Variants in GALNT13 observed in about 807,000 individuals in gnomAD.
The protein encoded by GALNT13 is UDP-GalNAc:polypeptide N-acetylgalactosaminyltransferase 13.
Under a neutral mutation model 64.2 loss-of-function variants are expected in GALNT13, and 28 were observed. The ratio of observed to expected loss-of-function variants is 0.44; its 90% CI spans 0.32 to 0.60. GALNT13 has a LOEUF of 0.60. Ranked by LOEUF, GALNT13 falls within the 20% of genes least tolerant of loss-of-function variation. GALNT13 has a pLI of 0.05. For synonymous variants in GALNT13, 214 were observed against 224.6 expected (o/e 0.95, Z 0.42); for missense variants, 577 against 669.8 (o/e 0.86, Z 1.53).
intron 1 of GALNT13, among the ~76,000 whole-genome samples, chr2:153,890,528 GT>G (rs1320818024): frequency 6.6e-6 from 1 of 151,984 alleles, no homozygotes; most frequent in African/African-American, 2.4e-5. Flanking sequence ...TTTTTCCCGT[GT>G]TGCTTTCTCA....
chr2:154,250,347 T>G (rs1027553108), intron 7 of GALNT13, among the ~76,000 whole-genome samples: 1 of 152,116 alleles, frequency 6.6e-6, no homozygotes, highest in Non-Finnish European at 1.5e-5. Context: ...GTAAATTTGA[T>G]ATATCATCAA....
chr2:153,289,035 G>A, the GALNT13 span, among the ~76,000 whole-genome samples: 106 of 152,244 alleles, frequency 7.0e-4, no homozygotes, highest in Middle Eastern at 3.4e-3. Context: ...GAAGCTTTGC[G>A]TCCCATGACT....
At chr2:153,373,275 A>T in the GALNT13 span, among the ~76,000 whole-genome samples, 1 of 152,132 alleles carries the variant, frequency 6.6e-6, no homozygotes, top group Admixed American at 6.5e-5. Context: ...CACAAGCATG[A>T]CTTCACTTTT....
chr2:153,778,863 G>T, the GALNT13 span, among the ~76,000 whole-genome samples: 1 of 152,074 alleles, frequency 6.6e-6, no homozygotes, highest in South Asian at 2.1e-4. Flanking sequence ...TTATTTTTCT[G>T]TACTCCTCTT....
rs150770979 is a variant in GALNT13 at position 154,398,127 on chromosome 2, T to C, written c.1296+1997T>C. On this transcript the variant is annotated intron_variant, in intron 10 of 12. Coordinates refer to ENST00000392825, the MANE Select transcript of GALNT13 (RefSeq NM_052917.4). ...CTTATCACTTTATTGAAAATTTGTTTGAACATTCATGAACCTGACTATATC... is the reference window on the plus strand; with the variant it reads ...CTTATCACTTTATTGAAAATTTGTTCGAACATTCATGAACCTGACTATATC... Among the ~76,000 whole-genome samples, 988 of 152,340 alleles carry C rather than the reference T, an allele frequency of 6.5e-3. 9 individuals are homozygous for C. The highest frequency in any genetic ancestry group is 0.022 in the African/African-American group (921 of 41,590).
chr2:153,277,522 G>T, the GALNT13 span, among the ~76,000 whole-genome samples: 2 of 152,114 alleles, frequency 1.3e-5, no homozygotes, highest in Non-Finnish European at 2.9e-5. Flanking sequence ...ACATACAAAT[G>T]AATTTCTTTG....
At chr2:153,901,942 A>G (rs1688263690) in intron 2 of GALNT13, among the ~76,000 whole-genome samples, 3 of 152,138 alleles carry the variant, frequency 2.0e-5, no homozygotes. Flanking sequence ...AGTGAAGAAG[A>G]GATTGCAATG....
chr2:154,310,444 T>C (rs1693971976), intron 9 of GALNT13, among the ~76,000 whole-genome samples: 1 of 152,184 alleles, frequency 6.6e-6, no homozygotes, highest in Admixed American at 6.6e-5. Context: ...TATTCATATA[T>C]ATAAAAAAAC....
At chr2:153,515,937 G>C in the GALNT13 span, among the ~76,000 whole-genome samples, 9 of 152,266 alleles carry the variant, frequency 5.9e-5, no homozygotes, top group South Asian at 1.9e-3. Flanking sequence ...TGTTAGACGT[G>C]ATAATATCTT....
chr2:154,177,111 TAGAA>T (rs1302161783), intron 4 of GALNT13, among the ~76,000 whole-genome samples: 8 of 152,112 alleles, frequency 5.3e-5, no homozygotes, highest in Non-Finnish European at 1.2e-4. Flanking sequence ...TATTTAAACT[TAGAA>T]AGATTTTATA....
chr2:153,949,218 A>G (rs1558869854), intron 3 of GALNT13, among the ~76,000 whole-genome samples: 1 of 152,154 alleles, frequency 6.6e-6, no homozygotes, highest in Non-Finnish European at 1.5e-5. Flanking sequence ...TTGCACAATG[A>G]TGACATCGCC....
At chr2:154,114,532 G>A (rs560060958) in intron 3 of GALNT13, among the ~76,000 whole-genome samples, 5 of 152,206 alleles carry the variant, frequency 3.3e-5, no homozygotes, top group African/African-American at 1.2e-4. Flanking sequence ...AGTCTCCTTG[G>A]GGAAGGATGG....
the GALNT13 span, among the ~76,000 whole-genome samples, chr2:153,260,255 G>A: frequency 6.6e-6 from 1 of 151,948 alleles, no homozygotes; most frequent in South Asian, 2.1e-4. Context: ...CACAGTTATT[G>A]GGTTATAAAA....
At chr2:153,140,309 G>T in the GALNT13 span, among the ~76,000 whole-genome samples, 1 of 152,040 alleles carries the variant, frequency 6.6e-6, no homozygotes, top group Non-Finnish European at 1.5e-5. Flanking sequence ...AGGTGGAATT[G>T]GCAGAGACTT....
the GALNT13 span, among the ~76,000 whole-genome samples, chr2:153,213,304 G>C: frequency 6.6e-6 from 1 of 152,224 alleles, no homozygotes; most frequent in Non-Finnish European, 1.5e-5. Context: ...CATAGCTGAA[G>C]ATCACTGAAC....
At chr2:153,768,474 A>G in the GALNT13 span, among the ~76,000 whole-genome samples, 1 of 152,176 alleles carries the variant, frequency 6.6e-6, no homozygotes. Flanking sequence ...CGGGTGCCCC[A>G]GTATTAGATG....
At chr2:154,051,155 T>C (rs1699583207) in intron 3 of GALNT13, among the ~76,000 whole-genome samples, 3 of 152,114 alleles carry the variant, frequency 2.0e-5, no homozygotes, top group African/African-American at 4.8e-5. Flanking sequence ...AATCAGAAGA[T>C]AATGCCAAAG....
the GALNT13 span, among the ~76,000 whole-genome samples, chr2:153,543,543 G>A: frequency 6.6e-6 from 1 of 152,200 alleles, no homozygotes; most frequent in Admixed American, 6.5e-5. Context: ...TGGAGTGTGT[G>A]TTTATACATG....
intron 3 of GALNT13, among the ~76,000 whole-genome samples, chr2:153,970,908 C>A (rs1454223369): frequency 6.6e-6 from 1 of 152,092 alleles, no homozygotes; most frequent in Non-Finnish European, 1.5e-5. Context: ...CATGCCATTC[C>A]TCTGCTCCAA....
Sources: allele counts gnomAD v4.1 joint callset (sites outside exome capture counted in the v4.1 genomes callset), GRCh38; gene constraint gnomAD v4.1.1; transcripts MANE v1.5; gene names NCBI Gene and HGNC (gene_info 2026-07-23, HGNC 2026-07-21).